Variants in SDHA observed in about 807,000 individuals in gnomAD.
SDHA encodes succinate dehydrogenase [ubiquinone] flavoprotein subunit, mitochondrial.
Under a neutral mutation model 78.4 loss-of-function variants are expected in SDHA, and 48 were observed. The observed-to-expected ratio is 0.61, with a 90% CI of 0.49 to 0.78. SDHA has a LOEUF of 0.78. Among genes scored for constraint, SDHA ranks in the 30% least tolerant of loss-of-function variants. The pLI, the probability that SDHA is intolerant of heterozygous loss-of-function variation, is 0.00. For missense variants in SDHA, 680 were observed against 892.7 expected (o/e 0.76, Z 3.04); for synonymous variants, 326 against 353.9 (o/e 0.92, Z 0.88).
intron 10 of SDHA, among the ~76,000 whole-genome samples, chr5:239,264 C>A (rs1735985188): frequency 6.6e-6 from 1 of 150,574 alleles, no homozygotes; most frequent in Non-Finnish European, 1.5e-5. Context: ...ATCGTAGAAA[C>A]ACAAGAGTTG....
At chr5:262,219 C>T in the SDHA span, among the ~76,000 whole-genome samples, 5 of 126,314 alleles carry the variant, frequency 4.0e-5, no homozygotes, top group East Asian at 2.2e-4. Context: ...AGCTCCGCCT[C>T]CCGACAGAGC....
At chr5:259,067 C>T (rs866364307), downstream of SDHA, among the ~76,000 whole-genome samples, 1 of 55,650 alleles carries the variant, frequency 1.8e-5, no homozygotes, top group Non-Finnish European at 3.3e-5. Flanking sequence ...ACAGCATTAC[C>T]GTGTGAGCTC....
At chr5:241,497 A>G (rs1319988310) in intron 11 of SDHA, among the ~76,000 whole-genome samples, 1 of 152,218 alleles carries the variant, frequency 6.6e-6, no homozygotes. Context: ...GAGTCGGTCC[A>G]GTAGGACCAT....
intron 11 of SDHA, chr5:249,168 A>G: frequency 2.7e-6 from 1 of 375,516 alleles, no homozygotes; most frequent in Non-Finnish European, 5.0e-6. Flanking sequence ...AAAATGGATA[A>G]AAACACTTGG....
chr5:249,755 A>G (rs1185486004), intron 11 of SDHA: 1 of 152,232 alleles, frequency 6.6e-6, no homozygotes, highest in Non-Finnish European at 1.5e-5. Flanking sequence ...TTCCTCCAGC[A>G]CCGCTGGGTT....
chr5:265,931 G>A, the SDHA span, among the ~76,000 whole-genome samples: 1 of 151,464 alleles, frequency 6.6e-6, no homozygotes, highest in South Asian at 2.1e-4. Context: ...TCAGTCCTGG[G>A]GGAACCCTAC....
At chr5:268,156 A>T in the SDHA span, among the ~76,000 whole-genome samples, 1 of 151,626 alleles carries the variant, frequency 6.6e-6, no homozygotes, top group African/African-American at 2.4e-5. Context: ...TTGTACATTC[A>T]TATGAGTATG....
rs748567636 is a variant in SDHA at position 236,591 on chromosome 5, G to A, written c.1424G>A (p.Cys475Tyr). ...TGTGCCCTGAGCATCGAAGAGTCAT[G>A]CAGGCCTGGTAAGTGTTTTCTTCAG... ...RACALSIEES[C>Y]RPGDKVPPIK... Residue 475 changes from cysteine (C) to tyrosine (Y), a missense_variant, in exon 10 of 15, where the codon TGC (cysteine) becomes TAC (tyrosine). Physicochemically the swap from Cys to Tyr is radical, Grantham distance 194. Transcript: ENST00000264932. 4 of 1,613,868 alleles carry A rather than the reference G, an allele frequency of 2.5e-6. No homozygotes were observed. Among genetic ancestry groups the A allele is most frequent in the Admixed American group, 1.7e-5 (1 of 59,998 alleles).
chr5:258,412 G>C (rs1245121511), downstream of SDHA, among the ~76,000 whole-genome samples: 2 of 126,074 alleles, frequency 1.6e-5, no homozygotes, highest in African/African-American at 4.1e-5. Context: ...TACCGTTTGA[G>C]CTCCGCCTCC....
At chr5:247,219 C>A (rs1736518498) in intron 11 of SDHA, among the ~76,000 whole-genome samples, 1 of 152,236 alleles carries the variant, frequency 6.6e-6, no homozygotes, top group South Asian at 2.1e-4. Flanking sequence ...AATGTGATTT[C>A]TGGTTCTTCA....
intron 13 of SDHA, among the ~76,000 whole-genome samples, chr5:253,982 G>A (rs189698342): frequency 0.013 from 1,991 of 151,870 alleles, 41 homozygotes; most frequent in African/African-American, 0.044. Flanking sequence ...TCAAGGCTCC[G>A]GCAAGCTGTG....
chr5:235,481 T>C (rs1356708425), intron 9 of SDHA, 142 bp downstream of exon 9: 32 of 834,428 alleles, frequency 3.8e-5, no homozygotes, highest in Non-Finnish European at 6.3e-5. Context: ...GATTGCACTT[T>C]AAATTTCTAT....
intron 6 of SDHA, 49 bp from the exon 7 acceptor site, chr5:230,827 G>T (rs202163020): frequency 5.6e-6 from 9 of 1,613,452 alleles, no homozygotes; most frequent in Admixed American, 1.7e-5. Flanking sequence ...CAGATAGGAG[G>T]TCCAGATGTG....
rs1736577627 is a variant in SDHA at position 248,021 on chromosome 5, G to GCATCAGCT, written c.1552-2971_1552-2970insCATCAGCT. On this transcript the variant is annotated intron_variant, in intron 11 of 14. Coordinates refer to ENST00000264932, the MANE Select transcript of SDHA (RefSeq NM_004168.4). ...TTTAAATTTTTTGAGCCTGCCTAAA[G>GCATCAGCT]GCCAGATCTTATCAGCAGCTGAACA... Among the ~76,000 whole-genome samples the GCATCAGCT allele has an allele frequency of 1.3e-5, 2 of 152,200 alleles. 1 individual carries two copies. Among genetic ancestry groups the GCATCAGCT allele is most frequent in the Admixed American group, 1.3e-4 (2 of 15,288 alleles).
intron 11 of SDHA, among the ~76,000 whole-genome samples, chr5:246,109 C>A (rs1368406293): frequency 6.6e-6 from 1 of 152,220 alleles, no homozygotes; most frequent in Non-Finnish European, 1.5e-5. Context: ...ACTCGAGCTG[C>A]AGCTGATCGA....
intron 14 of SDHA, 144 bp downstream of exon 14, chr5:254,650 G>A (rs1737065204): frequency 7.2e-7 from 1 of 1,385,668 alleles, no homozygotes; most frequent in Non-Finnish European, 9.9e-7. Context: ...CGCTGAAAAA[G>A]GCACTCCGAC....
intron 13 of SDHA, 148 bp downstream of exon 13, chr5:251,616 C>T: frequency 6.5e-7 from 1 of 1,542,176 alleles, no homozygotes; most frequent in Non-Finnish European, 8.8e-7. Context: ...TAACTTTGAT[C>T]CCTGGGTTCT....
intron 5 of SDHA, among the ~76,000 whole-genome samples, chr5:226,796 G>A (rs1394116968): frequency 1.3e-5 from 2 of 151,562 alleles, no homozygotes; most frequent in Non-Finnish European, 2.9e-5. Flanking sequence ...AGGCATGGTG[G>A]CAGGCACCTG....
intron 1 of SDHA, 127 bp downstream of exon 1, chr5:218,545 A>G: frequency 1.3e-6 from 1 of 749,238 alleles, no homozygotes; most frequent in Non-Finnish European, 1.9e-6. Context: ...CGGGATCGGG[A>G]AGGGGCTGAG....
Sources: allele counts gnomAD v4.1 joint callset (sites outside exome capture counted in the v4.1 genomes callset), GRCh38; gene constraint gnomAD v4.1.1; transcripts MANE v1.5; gene names NCBI Gene and HGNC (gene_info 2026-07-23, HGNC 2026-07-21).